RALA: variants seen among roughly 807,000 people sequenced by gnomAD.
RALA encodes the protein RAS like proto-oncogene A.
A neutral mutation model predicts 24.0 loss-of-function variants in RALA; 5 were observed. The ratio of observed to expected loss-of-function variants is 0.21; its 90% confidence interval spans 0.11 to 0.44. RALA has a LOEUF of 0.44. Among genes scored for constraint, RALA ranks in the 20% least tolerant of loss-of-function variants. RALA has a pLI of 0.99. For synonymous variants in RALA, 77 were observed against 83.8 expected, an observed-to-expected ratio of 0.92 and a Z score of 0.44; for missense variants, 95 against 241.2, an observed-to-expected ratio of 0.39 and a Z score of 4.01.
intron 1 of RALA, among the ~76,000 whole-genome samples, chr7:39,648,014 C>T (rs1367756163): frequency 6.6e-6 from 1 of 152,192 alleles, no homozygotes; most frequent in Non-Finnish European, 1.5e-5. Flanking sequence ...ACAACTGCAT[C>T]AGCTGGTATG....
At chr7:39,691,220 G>A (rs1384746716) in intron 3 of RALA, among the ~76,000 whole-genome samples, 1 of 152,090 alleles carries the variant, frequency 6.6e-6, no homozygotes, top group African/African-American at 2.4e-5. Flanking sequence ...TTGGTGAAGG[G>A]GAAAGAGGTG....
chr7:39,686,887 CTAA>C (rs1368446142), intron 2 of RALA, 106 bp downstream of exon 2: 15 of 802,692 alleles, frequency 1.9e-5, no homozygotes, highest in Non-Finnish European at 2.3e-5. Context: ...CTTGAAATTA[CTAA>C]TAATTTTTTT....
At chr7:39,685,380 G>A (rs981823995) in intron 1 of RALA, among the ~76,000 whole-genome samples, 22 of 152,218 alleles carry the variant, frequency 1.4e-4, no homozygotes, top group African/African-American at 5.3e-4. Flanking sequence ...GAGGTAAACA[G>A]GAGGGGGCGT....
intron 1 of RALA, among the ~76,000 whole-genome samples, chr7:39,663,397 A>G (rs1268396148): frequency 6.6e-6 from 1 of 152,202 alleles, no homozygotes; most frequent in Non-Finnish European, 1.5e-5. Context: ...TCTCTGTGTG[A>G]GCAGTTCATC....
chr7:39,640,100 T>G (rs1054733282), intron 1 of RALA, among the ~76,000 whole-genome samples: 1 of 152,106 alleles, frequency 6.6e-6, no homozygotes, highest in Non-Finnish European at 1.5e-5. Context: ...CAGGCTGGAG[T>G]GCAGTAGTGA....
chr7:39,682,522 G>A (rs541680474), intron 1 of RALA, among the ~76,000 whole-genome samples: 2 of 152,264 alleles, frequency 1.3e-5, no homozygotes, highest in African/African-American at 4.8e-5. Flanking sequence ...AAACACTTCC[G>A]GGGCCTTCAA....
At chr7:39,684,751 T>G (rs1792669166) in intron 1 of RALA, among the ~76,000 whole-genome samples, 3 of 151,310 alleles carry the variant, frequency 2.0e-5, no homozygotes, top group African/African-American at 4.9e-5. Context: ...TTGCATAATG[T>G]TTTAAGAAAG....
chr7:39,637,058 A>G (rs1371592094), intron 1 of RALA, among the ~76,000 whole-genome samples: 2 of 152,230 alleles, frequency 1.3e-5, no homozygotes, highest in Non-Finnish European at 2.9e-5. Flanking sequence ...AAAACATTAA[A>G]TTGTTAAAAG....
chr7:39,653,521 C>A (rs546450469), intron 1 of RALA, among the ~76,000 whole-genome samples: 9 of 149,438 alleles, frequency 6.0e-5, no homozygotes, highest in African/African-American at 1.7e-4. Context: ...AGAGATGAGA[C>A]CTTGCTATGT....
intron 4 of RALA, among the ~76,000 whole-genome samples, chr7:39,699,918 T>C (rs1396482211): frequency 1.3e-5 from 2 of 152,160 alleles, no homozygotes; most frequent in Non-Finnish European, 2.9e-5. Flanking sequence ...TCTGCCTCCA[T>C]GTCGGTGGGC....
chr7:39,645,099 T>G (rs1333832575), intron 1 of RALA, among the ~76,000 whole-genome samples: 2 of 152,240 alleles, frequency 1.3e-5, no homozygotes, highest in African/African-American at 4.8e-5. Flanking sequence ...AAGTGTGAAG[T>G]GTCCTTTGGC....
intron 2 of RALA, 110 bp downstream of exon 2, chr7:39,686,891 T>C: frequency 1.3e-6 from 1 of 786,758 alleles, no homozygotes; most frequent in South Asian, 2.1e-5. Context: ...AAATTACTAA[T>C]AATTTTTTTT....
At chr7:39,653,584 TAATAATTTATTTAG>T (rs1391284760) in intron 1 of RALA, among the ~76,000 whole-genome samples, 11 of 152,294 alleles carry the variant, frequency 7.2e-5, no homozygotes, top group South Asian at 2.1e-4. Context: ...TACCTAGTTG[TAATAATTTATTTAG>T]AATAATTTAT....
chr7:39,651,689 C>T (rs1439581785), intron 1 of RALA, among the ~76,000 whole-genome samples: 1 of 151,924 alleles, frequency 6.6e-6, no homozygotes, highest in Non-Finnish European at 1.5e-5. Context: ...GTTCAGATTA[C>T]TCTTAGTGAA....
At chr7:39,683,715 CT>C (rs1355627213) in intron 1 of RALA, among the ~76,000 whole-genome samples, 1 of 152,008 alleles carries the variant, frequency 6.6e-6, no homozygotes, top group Non-Finnish European at 1.5e-5. Context: ...AATGTTTGCA[CT>C]TTGGAAAAAC....
At chr7:39,641,909 C>A (rs902822153) in intron 1 of RALA, among the ~76,000 whole-genome samples, 1 of 152,158 alleles carries the variant, frequency 6.6e-6, no homozygotes, top group African/African-American at 2.4e-5. Flanking sequence ...GTGGAACTTA[C>A]ATTTCTTCCA....
intron 4 of RALA, among the ~76,000 whole-genome samples, chr7:39,699,715 A>G (rs1467788321): frequency 6.6e-6 from 1 of 152,262 alleles, no homozygotes; most frequent in Non-Finnish European, 1.5e-5. Flanking sequence ...ACACACATAC[A>G]TACACATTAT....
intron 1 of RALA, among the ~76,000 whole-genome samples, chr7:39,659,420 C>T (rs1229590676): frequency 6.6e-6 from 1 of 151,384 alleles, no homozygotes; most frequent in Non-Finnish European, 1.5e-5. Flanking sequence ...TAGTTTGTAA[C>T]TTCACGTTAT....
chr7:39,666,463 A>G (rs1315088760), intron 1 of RALA, among the ~76,000 whole-genome samples: 1 of 152,220 alleles, frequency 6.6e-6, no homozygotes, highest in Non-Finnish European at 1.5e-5. Context: ...GTGATGGAGA[A>G]TGTAACTGAT....
Sources: allele counts gnomAD v4.1 joint callset (sites outside exome capture counted in the v4.1 genomes callset), GRCh38; gene constraint gnomAD v4.1.1; transcripts MANE v1.5; gene names NCBI Gene and HGNC (gene_info 2026-07-23, HGNC 2026-07-21).